Variants in ROBO2 observed in about 807,000 individuals in gnomAD.
The protein encoded by ROBO2 is roundabout guidance receptor 2, also known as roundabout homolog 2.
Under a neutral mutation model 160.8 loss-of-function variants are expected in ROBO2, and 53 were observed. The ratio of observed to expected loss-of-function variants is 0.33; its 90% CI spans 0.26 to 0.41. The LOEUF is 0.41. Ranked by LOEUF, ROBO2 falls within the 10% of genes least tolerant of loss-of-function variation. ROBO2 has a pLI of 1.00. For missense variants in ROBO2, 1,577 were observed against 1,722.4 expected, an observed-to-expected ratio of 0.92 and a Z score of 1.49; for synonymous variants, 664 against 611.7, an observed-to-expected ratio of 1.09 and a Z score of -1.26.
At chr3:76,125,369 G>A (rs2070930525) in intron 2 of ROBO2, among the ~76,000 whole-genome samples, 1 of 152,040 alleles carries the variant, frequency 6.6e-6, no homozygotes, top group African/African-American at 2.4e-5. Flanking sequence ...GCCAGTCATG[G>A]GATTGCTGGG....
At chr3:76,794,181 G>A (rs2063545157) in intron 2 of ROBO2, among the ~76,000 whole-genome samples, 1 of 151,862 alleles carries the variant, frequency 6.6e-6, no homozygotes, top group Admixed American at 6.6e-5. Flanking sequence ...TTGAATAAAT[G>A]AGGAAAAAAT....
intron 2 of ROBO2, among the ~76,000 whole-genome samples, chr3:76,069,267 C>T (rs538549136): frequency 6.6e-6 from 1 of 152,276 alleles, no homozygotes; most frequent in African/African-American, 2.4e-5. Flanking sequence ...TGCAAGTTGG[C>T]CAGCTCAATA....
At chr3:76,887,121 T>C (rs1168938871) in intron 2 of ROBO2, among the ~76,000 whole-genome samples, 1 of 152,116 alleles carries the variant, frequency 6.6e-6, no homozygotes, top group Non-Finnish European at 1.5e-5. Flanking sequence ...TGGGGCATTT[T>C]ATTGTATTTA....
At chr3:77,493,658 T>G (rs1170739804) in intron 5 of ROBO2, among the ~76,000 whole-genome samples, 1 of 152,180 alleles carries the variant, frequency 6.6e-6, no homozygotes, top group Non-Finnish European at 1.5e-5. Context: ...TTCTTTCCCC[T>G]GGACCCTTTG....
At chr3:77,134,308 T>TA (rs1162700316) in intron 2 of ROBO2, among the ~76,000 whole-genome samples, 1 of 152,200 alleles carries the variant, frequency 6.6e-6, no homozygotes, top group African/African-American at 2.4e-5. Context: ...CCGAAAGAAT[T>TA]AAAAAATATA....
chr3:77,346,883 G>T (rs1457595654), intron 2 of ROBO2, among the ~76,000 whole-genome samples: 1 of 152,122 alleles, frequency 6.6e-6, no homozygotes, highest in African/African-American at 2.4e-5. Flanking sequence ...TGGCAGAGAA[G>T]TTTCTCTCTT....
At chr3:76,607,627 C>T (rs2087762867) in intron 2 of ROBO2, among the ~76,000 whole-genome samples, 1 of 152,148 alleles carries the variant, frequency 6.6e-6, no homozygotes, top group Non-Finnish European at 1.5e-5. Context: ...ACACTTTGCA[C>T]ATTCAGTAAA....
intron 2 of ROBO2, among the ~76,000 whole-genome samples, chr3:77,475,891 GGCCAAAAATATGCAGTTCACAGA>G (rs2083937298): frequency 6.6e-6 from 1 of 152,016 alleles, no homozygotes; most frequent in African/African-American, 2.4e-5. Flanking sequence ...TAGACAAGGG[GGCCAAAAATATGCAGTTCACAGA>G]GCTAAAATGG....
intron 2 of ROBO2, among the ~76,000 whole-genome samples, chr3:76,119,552 A>G (rs1049945199): frequency 1.3e-5 from 2 of 151,978 alleles, no homozygotes; most frequent in Non-Finnish European, 2.9e-5. Context: ...ATTCAGAGGC[A>G]AGCTTAGGGT....
At chr3:76,276,385 A>G (rs145483524) in intron 2 of ROBO2, among the ~76,000 whole-genome samples, 1,733 of 152,204 alleles carry the variant, frequency 0.011, 13 homozygotes, top group Middle Eastern at 0.034. Flanking sequence ...CACACTAGCC[A>G]TATTTCAAAA....
intron 2 of ROBO2, among the ~76,000 whole-genome samples, chr3:76,449,900 G>A (rs570079257): frequency 1.3e-5 from 2 of 152,212 alleles, no homozygotes; most frequent in Non-Finnish European, 2.9e-5. Flanking sequence ...CATACTTGCT[G>A]CAAATATAGA....
intron 2 of ROBO2, among the ~76,000 whole-genome samples, chr3:76,948,500 C>A (rs1294305253): frequency 1.3e-5 from 2 of 150,498 alleles, no homozygotes; most frequent in Non-Finnish European, 3.0e-5. Flanking sequence ...TCTTTCAAAT[C>A]TTCTGAAGTG....
chr3:76,998,407 T>C (rs1437166865), intron 2 of ROBO2, among the ~76,000 whole-genome samples: 1 of 152,076 alleles, frequency 6.6e-6, no homozygotes. Flanking sequence ...ACCAAAAATT[T>C]AAAGACAAAG....
intron 2 of ROBO2, among the ~76,000 whole-genome samples, chr3:76,587,241 G>C (rs1413172430): frequency 6.6e-6 from 1 of 152,088 alleles, no homozygotes; most frequent in African/African-American, 2.4e-5. Flanking sequence ...CACTTAATGT[G>C]AGTTTCATGA....
chr3:76,476,986 G>A (rs905023901), intron 2 of ROBO2, among the ~76,000 whole-genome samples: 1 of 152,164 alleles, frequency 6.6e-6, no homozygotes, highest in Admixed American at 6.5e-5. Context: ...TTACTGTCAG[G>A]CAGTACCAGG....
intron 5 of ROBO2, among the ~76,000 whole-genome samples, chr3:77,518,879 T>A (rs2090304556): frequency 6.6e-6 from 1 of 151,494 alleles, no homozygotes; most frequent in South Asian, 2.1e-4. Context: ...CTCCAAAGCA[T>A]ACCTATCTCA....
At chr3:76,660,188 G>T (rs1346520602) in intron 2 of ROBO2, among the ~76,000 whole-genome samples, 5 of 152,062 alleles carry the variant, frequency 3.3e-5, no homozygotes, top group African/African-American at 1.2e-4. Flanking sequence ...TTTGTCTTTG[G>T]ATTCACAATT....
At chr3:77,145,644 A>AT (rs556543378) in intron 2 of ROBO2, among the ~76,000 whole-genome samples, 6 of 151,918 alleles carry the variant, frequency 3.9e-5, no homozygotes, top group East Asian at 1.9e-4. Flanking sequence ...GTTTATCATC[A>AT]TTTTTTTTGC....
At position 76,834,008 on chromosome 3, in the gene ROBO2, T is replaced by TC. The variant is rs1381687099; in HGVS notation, c.110-264005dup. ...TTCTTTCTTTCTTTCCTTCTTTCTT[T>TC]CTTTCCTTTCTTTCTTTTCTTTCTT... On this transcript the variant is annotated intron_variant, in intron 2 of 26. Transcript: ENST00000487694. 6.3e-5 allele frequency among the ~76,000 whole-genome samples: 8 copies of TC among 126,340 alleles called. 1 individual carries two copies. The highest frequency in any genetic ancestry group is 1.2e-4 in the Non-Finnish European group (7 of 58,804). 82.9% of individuals were successfully genotyped at this position (126,340 alleles called of 152,430 possible).
Sources: allele counts gnomAD v4.1 joint callset (sites outside exome capture counted in the v4.1 genomes callset), GRCh38; gene constraint gnomAD v4.1.1; transcripts MANE v1.5; gene names NCBI Gene and HGNC (gene_info 2026-07-23, HGNC 2026-07-21).